PPFIBP1: variants seen among roughly 807,000 people sequenced by gnomAD.
PPFIBP1 encodes PPFIB scaffold protein 1, also known as liprin-beta-1.
In PPFIBP1, 112 loss-of-function variants were observed where a neutral mutation model predicts 137.8. The ratio of observed to expected loss-of-function variants is 0.81; its 90% CI spans 0.70 to 0.95. The LOEUF (loss-of-function observed/expected upper bound fraction) is 0.95, where lower values mean the gene tolerates loss of function less well. Ranked by LOEUF, PPFIBP1 falls within the 40% of genes least tolerant of loss-of-function variation. PPFIBP1 has a pLI of 0.00. For missense variants in PPFIBP1, 1,083 were observed against 1,196.6 expected, an observed-to-expected ratio of 0.91 and a Z score of 1.40; for synonymous variants, 378 against 417.3, an observed-to-expected ratio of 0.91 and a Z score of 1.15.
At chr12:27,679,462 A>G (rs1419581553) in intron 19 of PPFIBP1, 27 bp from the exon 20 acceptor site, 1 of 1,586,492 alleles carries the variant, frequency 6.3e-7, no homozygotes, top group Admixed American at 1.9e-5. Flanking sequence ...TTTAAAATTC[A>G]TTGTCTGCAT....
chr12:27,565,204 A>C (rs1055803664), intron 1 of PPFIBP1, among the ~76,000 whole-genome samples: 8 of 152,156 alleles, frequency 5.3e-5, no homozygotes, highest in African/African-American at 1.9e-4. Flanking sequence ...GGGGCCATCG[A>C]AATTATTGAA....
intron 1 of PPFIBP1, among the ~76,000 whole-genome samples, chr12:27,573,118 C>T (rs1392758644): frequency 6.6e-6 from 1 of 152,164 alleles, no homozygotes; most frequent in African/African-American, 2.4e-5. Context: ...TAAGTTAGCT[C>T]TACTTGTCAA....
At chr12:27,633,274 G>A in intron 2 of PPFIBP1, 88 bp from the exon 3 acceptor site, 1 of 870,672 alleles carries the variant, frequency 1.1e-6, no homozygotes, top group Non-Finnish European at 1.9e-6. Context: ...TGACTACACA[G>A]CAGAGTTATC....
At chr12:27,567,474 A>G (rs1053231017) in intron 1 of PPFIBP1, among the ~76,000 whole-genome samples, 39 of 152,202 alleles carry the variant, frequency 2.6e-4, no homozygotes, top group Middle Eastern at 3.2e-3. Context: ...TAGTCTTACA[A>G]TTACCTTTTA....
intron 13 of PPFIBP1, among the ~76,000 whole-genome samples, chr12:27,671,169 C>T (rs2060179418): frequency 6.6e-6 from 1 of 152,120 alleles, no homozygotes; most frequent in Admixed American, 6.6e-5. Context: ...TATTAACTTA[C>T]TTAATGGTAT....
At chr12:27,690,187 T>C (rs969004921) in intron 27 of PPFIBP1, among the ~76,000 whole-genome samples, 2 of 151,384 alleles carry the variant, frequency 1.3e-5, no homozygotes, top group Non-Finnish European at 3.0e-5. Context: ...TTTTTTTTTT[T>C]CAAGCAAATG....
rs1362646135 is a variant in PPFIBP1 at position 27,647,778 on chromosome 12, A to T, written c.407A>T (p.Asp136Val). ...GAGGCTCAGGGAGAGAAGATTCGAG[A>T]TTTGGAGTTTTGTCTTGAAGAGCAC... ...QVEAQGEKIRDLEFCLEEHRE... is the reference protein window; with the variant it reads ...QVEAQGEKIRVLEFCLEEHRE... The change falls in exon 6 of 30, where the codon GAT (aspartate) becomes GTT (valine). Residue 136 changes from aspartate to valine, a missense_variant. Physicochemically the swap from Asp to Val is radical, Grantham distance 152 (BLOSUM62 -3). Transcript: ENST00000228425. 2.5e-6 allele frequency: 4 copies of T among 1,611,598 alleles called. No homozygotes were observed. The South Asian group carries it at 4.4e-5, about 18-fold the overall frequency.
intron 2 of PPFIBP1, among the ~76,000 whole-genome samples, chr12:27,615,843 G>T (rs1343188081): frequency 6.6e-6 from 1 of 152,070 alleles, no homozygotes; most frequent in Non-Finnish European, 1.5e-5. Context: ...CAGCCATCCT[G>T]GTGGCCTCAG....
chr12:27,564,738 G>A (rs982209121), intron 1 of PPFIBP1, among the ~76,000 whole-genome samples: 2 of 152,008 alleles, frequency 1.3e-5, no homozygotes, highest in African/African-American at 4.8e-5. Flanking sequence ...CTTGCTTTCC[G>A]GGTCTCTCCT....
chr12:27,631,972 T>C lies in PPFIBP1; in HGVS notation c.-35-1390T>C, dbSNP rs532829729. ...TTCTTTGGATGGTGCACTGGCTGAG[T>C]GTGTGAATAAATTTTTTGGAATGAC... is the stretch of plus-strand genomic sequence containing the variant. On this transcript the variant is annotated intron_variant, in intron 2 of 29. Transcript: ENST00000228425. 4.6e-5 allele frequency among the ~76,000 whole-genome samples: 7 copies of C among 151,704 alleles called. No individual in the cohort carries two copies. In the East Asian group the frequency reaches 1.4e-3, roughly 29 times the overall value.
chr12:27,646,275 G>A, intron 5 of PPFIBP1, 127 bp downstream of exon 5: 1 of 742,740 alleles, frequency 1.3e-6, no homozygotes, highest in South Asian at 1.5e-5. Flanking sequence ...TAAGCCATCT[G>A]TACACAATAG....
At chr12:27,599,938 A>G (rs993555049) in intron 2 of PPFIBP1, among the ~76,000 whole-genome samples, 3 of 152,246 alleles carry the variant, frequency 2.0e-5, no homozygotes, top group African/African-American at 7.2e-5. Context: ...TGTAGAATAA[A>G]AAAAGGACAT....
At chr12:27,655,862 A>G (rs776400081) in intron 8 of PPFIBP1, among the ~76,000 whole-genome samples, 3 of 152,240 alleles carry the variant, frequency 2.0e-5, no homozygotes, top group Non-Finnish European at 4.4e-5. Flanking sequence ...ACTTCTTAGC[A>G]TTGCATAGCT....
chr12:27,637,663 CA>C (rs1405390604), intron 4 of PPFIBP1, among the ~76,000 whole-genome samples: 1 of 151,944 alleles, frequency 6.6e-6, no homozygotes, highest in East Asian at 1.9e-4. Flanking sequence ...AGAAAGACAG[CA>C]AAAGGCAAAA....
intron 1 of PPFIBP1, 125 bp downstream of exon 1, chr12:27,524,490 C>T (rs1224441481): frequency 6.6e-6 from 1 of 151,876 alleles, no homozygotes; most frequent in Non-Finnish European, 1.5e-5. Context: ...ACTCCTGTTT[C>T]CCAATGGGAA....
intron 4 of PPFIBP1, among the ~76,000 whole-genome samples, chr12:27,643,056 A>G (rs199690475): frequency 0.043 from 6,483 of 151,192 alleles, 441 homozygotes; most frequent in Admixed American, 0.18. Flanking sequence ...CGGTTAGCTC[A>G]GTTGGTTAGA....
intron 1 of PPFIBP1, among the ~76,000 whole-genome samples, chr12:27,531,685 G>A (rs149440247): frequency 6.6e-6 from 1 of 152,168 alleles, no homozygotes; most frequent in Non-Finnish European, 1.5e-5. Context: ...CCAAAGGGAA[G>A]TGTAGTGGGG....
At chr12:27,652,899 C>T (rs2058963714) in intron 7 of PPFIBP1, among the ~76,000 whole-genome samples, 1 of 152,032 alleles carries the variant, frequency 6.6e-6, no homozygotes, top group Admixed American at 6.6e-5. Flanking sequence ...GAATTCTGAC[C>T]TGTTAGTTGA....
chr12:27,682,795 G>T, intron 24 of PPFIBP1, 92 bp downstream of exon 24: 1 of 1,579,932 alleles, frequency 6.3e-7, no homozygotes, highest in South Asian at 1.2e-5. Context: ...TGTTTTCAGT[G>T]ATTCCACCAG....
Sources: allele counts gnomAD v4.1 joint callset (sites outside exome capture counted in the v4.1 genomes callset), GRCh38; gene constraint gnomAD v4.1.1; transcripts MANE v1.5; gene names NCBI Gene and HGNC (gene_info 2026-07-23, HGNC 2026-07-21).